Variants in BCAS3 observed in about 807,000 individuals in gnomAD.
BCAS3 encodes BCAS3 microtubule associated cell migration factor.
Under a neutral mutation model 116.1 loss-of-function variants are expected in BCAS3, and 53 were observed. The ratio of observed to expected loss-of-function variants is 0.46; its 90% confidence interval spans 0.37 to 0.57. The LOEUF (loss-of-function observed/expected upper bound fraction) is 0.57. BCAS3 is among the 20% of genes least tolerant of loss of function. The pLI, the probability that BCAS3 is intolerant of heterozygous loss-of-function variation, is 0.00. For synonymous variants in BCAS3, 391 were observed against 408.2 expected (o/e 0.96, Z 0.51); for missense variants, 917 against 1,165.4 (o/e 0.79, Z 3.10).
chr17:61,162,743 G>A lies in BCAS3; in HGVS notation c.2425+78179G>A, dbSNP rs922641856. On this transcript the variant is annotated intron_variant, in intron 22 of 23. Coordinates refer to ENST00000407086, the MANE Select transcript of BCAS3 (RefSeq NM_017679.5). This position sits in a 1 kb window ranked among gnomAD's most constrained non-coding sequence, Gnocchi z 5.6. Reference sequence around the variant, plus strand: ...TCCATGTCATAATGCCCTCCTTGGGGAGGAGCAACGTCTCCAGCCGAGGCT... The same window carrying A: ...TCCATGTCATAATGCCCTCCTTGGGAAGGAGCAACGTCTCCAGCCGAGGCT... Among the ~76,000 whole-genome samples the A allele has an allele frequency of 1.3e-5, 2 of 152,178 alleles. No individual in the cohort carries two copies. Among genetic ancestry groups the A allele is most frequent in the South Asian group, 4.1e-4 (2 of 4,828 alleles).
In BCAS3 at chr17:60,961,000, A is replaced by T. The variant is rs1464576478; in HGVS notation, c.1221+13648A>T. On this transcript the variant is annotated intron_variant, in intron 14 of 23. Coordinates refer to ENST00000407086, the MANE Select transcript of BCAS3 (RefSeq NM_017679.5). The surrounding 1 kb of genome is among the most constrained non-coding windows in gnomAD (Gnocchi z 4.1). ...CATGAAACACATGCCTGATGTCTTCAGCAGAATGTTGTCAAGCTATACTCC... is the reference window on the plus strand; with the variant it reads ...CATGAAACACATGCCTGATGTCTTCTGCAGAATGTTGTCAAGCTATACTCC... Among the ~76,000 whole-genome samples the T allele has an allele frequency of 1.3e-5, 2 of 151,972 alleles. No individual in the cohort carries two copies. Among genetic ancestry groups the T allele is most frequent in the African/African-American group, 4.8e-5 (2 of 41,382 alleles).
rs534705683 is a variant in BCAS3, at chr17:61,029,311, C to A, written c.1638-5355C>A. On this transcript the variant is annotated intron_variant, in intron 16 of 23. Transcript: ENST00000407086. This position sits in a 1 kb window ranked among gnomAD's most constrained non-coding sequence, Gnocchi z 5.2. Reference sequence around the variant, plus strand: ...TACATTCATATACTTTCAGATGAGTCGTTATAAAATACAGTCGTTCCCTTT... The same window carrying A: ...TACATTCATATACTTTCAGATGAGTAGTTATAAAATACAGTCGTTCCCTTT... 9.9e-5 allele frequency among the ~76,000 whole-genome samples: 15 copies of A among 151,928 alleles called. No individual in the cohort carries two copies. Among genetic ancestry groups the A allele is most frequent in the African/African-American group, 3.1e-4 (13 of 41,512 alleles).
rs1324634437 is a variant in BCAS3, at chr17:61,034,706, A to G, written c.1678A>G (p.Met560Val). The G allele has an allele frequency of 6.2e-7, 1 of 1,612,010 alleles. No homozygotes were observed. Among genetic ancestry groups the G allele is most frequent in the Non-Finnish European group, 8.5e-7 (1 of 1,178,376 alleles). The part of the protein sequence containing the change: ...PPPQISPSKS[M>V]GGEFCVAAIF... ...TCCACAAATTTCACCCAGCAAATCGATGGGCGGAGAATTTTGTGTGGCTGC... is the reference window on the plus strand; with the variant it reads ...TCCACAAATTTCACCCAGCAAATCGGTGGGCGGAGAATTTTGTGTGGCTGC... The change falls in exon 17 of 24, where the codon ATG becomes GTG. Residue 560 changes from methionine to valine, a missense_variant. Coordinates refer to ENST00000407086, the MANE Select transcript of BCAS3 (RefSeq NM_017679.5). This position sits in a 1 kb window ranked among gnomAD's most constrained non-coding sequence, Gnocchi z 5.0.
chr17:61,297,504 C>T (rs1399494467), intron 22 of BCAS3, among the ~76,000 whole-genome samples: 6 of 152,110 alleles, frequency 3.9e-5, no homozygotes, highest in Non-Finnish European at 8.8e-5. Flanking sequence ...CCTAAACCCT[C>T]CTGTTATTTC....
intron 6 of BCAS3, among the ~76,000 whole-genome samples, chr17:60,762,755 T>A (rs141915540): frequency 0.27 from 41,615 of 152,040 alleles, 11,397 homozygotes; most frequent in African/African-American, 0.71. Flanking sequence ...GGTAGCTTGA[T>A]GGGGATGGCA....
chr17:60,782,484 T>C (rs535725640), intron 6 of BCAS3, among the ~76,000 whole-genome samples: 1 of 152,148 alleles, frequency 6.6e-6, no homozygotes, highest in African/African-American at 2.4e-5. Context: ...TAAAATTCCA[T>C]GCCCTTTCTA....
intron 7 of BCAS3, among the ~76,000 whole-genome samples, chr17:60,854,045 C>T (rs1297227480): frequency 6.6e-6 from 1 of 151,982 alleles, no homozygotes; most frequent in Non-Finnish European, 1.5e-5. Flanking sequence ...TGCTATCCTT[C>T]CCCCCTCCCC....
Position 61,126,552 on chromosome 17 carries a change from A to G in BCAS3, c.2425+41988A>G, listed in dbSNP as rs932212194. 2.0e-5 allele frequency among the ~76,000 whole-genome samples: 3 copies of G among 152,196 alleles called. No homozygotes were observed. The highest frequency in any genetic ancestry group is 2.9e-5 in the Non-Finnish European group (2 of 68,028). ...ATGTCTGTTTTATAAAGATGTGTTT[A>G]TATAGTCATTGGGTGAAAGATTGCA... On this transcript the variant is annotated intron_variant, in intron 22 of 23. Transcript: ENST00000407086. The surrounding 1 kb of genome is among the most constrained non-coding windows in gnomAD (Gnocchi z 4.6).
intron 22 of BCAS3, among the ~76,000 whole-genome samples, chr17:61,284,881 T>A (rs147858486): frequency 7.2e-4 from 109 of 152,322 alleles, no homozygotes; most frequent in African/African-American, 2.4e-3. Flanking sequence ...AGTGACCTGA[T>A]GCCACCTCAG....
rs1217829619 is a variant in BCAS3, at chr17:61,343,078, A to G, written c.2426-25249A>G. ...AGATTTTCTTTTAAAGGAAGGTGAG[A>G]GAGTAACTTCTTGGCCACCTTATCC... On this transcript the variant is annotated intron_variant, in intron 22 of 23. Coordinates refer to ENST00000407086, the MANE Select transcript of BCAS3 (RefSeq NM_017679.5). The surrounding 1 kb of genome is among the most constrained non-coding windows in gnomAD (Gnocchi z 5.5). Among the ~76,000 whole-genome samples the G allele has an allele frequency of 6.6e-6, 1 of 152,154 alleles. No individual in the cohort carries two copies. Among genetic ancestry groups the G allele is most frequent in the Non-Finnish European group, 1.5e-5 (1 of 68,024 alleles).
intron 13 of BCAS3, among the ~76,000 whole-genome samples, chr17:60,934,911 C>A (rs1021781871): frequency 6.6e-6 from 1 of 152,114 alleles, no homozygotes; most frequent in Non-Finnish European, 1.5e-5. Context: ...GTAATCCTAG[C>A]ACTTTGGGAA....
intron 7 of BCAS3, chr17:60,821,591 T>A (rs1020072608): frequency 6.6e-6 from 1 of 152,228 alleles, no homozygotes; most frequent in Non-Finnish European, 1.5e-5. Flanking sequence ...TTCTAAAGTT[T>A]TATATAAGTG....
In BCAS3 at chr17:61,145,093, A is replaced by G. The variant is rs1007286901; in HGVS notation, c.2425+60529A>G. ...TTATCAAAACTCTCCCTGGAGGGAG[A>G]TGCAACTTTGGCTCGCCTCACCGGC... On this transcript the variant is annotated intron_variant, in intron 22 of 23. Coordinates refer to ENST00000407086, the MANE Select transcript of BCAS3 (RefSeq NM_017679.5). This position sits in a 1 kb window ranked among gnomAD's most constrained non-coding sequence, Gnocchi z 5.0. Among the ~76,000 whole-genome samples, 1 of 152,204 alleles carries G rather than the reference A, an allele frequency of 6.6e-6. No homozygotes were observed. The highest frequency in any genetic ancestry group is 1.5e-5 in the Non-Finnish European group (1 of 68,030).
In BCAS3 at chr17:61,156,875, C is replaced by T. The variant is rs1345892696; in HGVS notation, c.2425+72311C>T. Among the ~76,000 whole-genome samples, 2 of 152,002 alleles carry T rather than the reference C, an allele frequency of 1.3e-5. No homozygotes were observed. Among genetic ancestry groups the T allele is most frequent in the East Asian group, 3.9e-4 (2 of 5,188 alleles). Reference sequence around the variant, plus strand: ...CTTTATGAATGATTTAGGTAATTGACACAATTTAATATTTGCAATTATTTT... The same window carrying T: ...CTTTATGAATGATTTAGGTAATTGATACAATTTAATATTTGCAATTATTTT... On this transcript the variant is annotated intron_variant, in intron 22 of 23. Coordinates refer to ENST00000407086, the MANE Select transcript of BCAS3 (RefSeq NM_017679.5). This position sits in a 1 kb window ranked among gnomAD's most constrained non-coding sequence, Gnocchi z 4.7.
At chr17:60,878,710 C>T (rs985157276) in intron 9 of BCAS3, among the ~76,000 whole-genome samples, 2 of 152,000 alleles carry the variant, frequency 1.3e-5, no homozygotes, top group African/African-American at 4.8e-5. Flanking sequence ...GTATGTCATT[C>T]TTAGTTACAA....
intron 6 of BCAS3, among the ~76,000 whole-genome samples, chr17:60,773,806 C>G (rs189716381): frequency 6.6e-6 from 1 of 152,198 alleles, no homozygotes; most frequent in East Asian, 1.9e-4. Flanking sequence ...CGCCACCATG[C>G]CTGGCTAATT....
intron 23 of BCAS3, among the ~76,000 whole-genome samples, chr17:61,373,765 C>T (rs1318397145): frequency 7.7e-6 from 1 of 130,208 alleles, no homozygotes; most frequent in Non-Finnish European, 1.6e-5. Flanking sequence ...ATCTCTGTTG[C>T]AGGAAGTATC....
intron 19 of BCAS3, among the ~76,000 whole-genome samples, chr17:61,067,727 A>AAC (rs1491266923): frequency 2.2e-5 from 2 of 91,638 alleles, no homozygotes; most frequent in South Asian, 2.7e-4. Flanking sequence ...ACAAACAAAC[A>AAC]AAAAAAAAAA....
chr17:61,383,460 A>C (rs573855192), intron 23 of BCAS3: 1 of 152,544 alleles, frequency 6.6e-6, no homozygotes, highest in African/African-American at 2.4e-5. Flanking sequence ...GAGTAGGGGC[A>C]CTAACTCACC....
Sources: gnomAD v4.1 joint callset for allele counts (sites outside exome capture counted in the v4.1 genomes callset) on GRCh38, gnomAD v4.1.1 for gene constraint, Gnocchi (gnomAD v3.1) non-coding constraint, MANE v1.5 for transcripts, NCBI Gene and HGNC (gene_info 2026-07-23, HGNC 2026-07-21) for gene names.